Variants in ZNF609 observed in about 807,000 individuals in gnomAD.
ZNF609 encodes zinc finger protein 609.
Under a neutral mutation model 109.5 loss-of-function variants are expected in ZNF609, and 11 were observed. The observed-to-expected ratio is 0.10, with a 90% CI of 0.06 to 0.17. The LOEUF (loss-of-function observed/expected upper bound fraction) is 0.17. Ranked by LOEUF, ZNF609 falls within the 10% of genes least tolerant of loss-of-function variation. The probability of loss-of-function intolerance (pLI) is 1.00; values close to 1 mark genes in which losing one functional copy is unlikely to be tolerated. For missense variants in ZNF609, 1,559 were observed against 1,772.4 expected (o/e 0.88, Z 2.16); for synonymous variants, 646 against 662.0 (o/e 0.98, Z 0.37).
chr15:64,530,036 T>G (rs977702300), intron 2 of ZNF609, among the ~76,000 whole-genome samples: 2 of 150,906 alleles, frequency 1.3e-5, no homozygotes, highest in African/African-American at 4.9e-5. Context: ...TGGCCTTGGT[T>G]TTTTTTTAAA....
At chr15:64,602,598 C>T (rs1232156707) in intron 2 of ZNF609, among the ~76,000 whole-genome samples, 1 of 151,946 alleles carries the variant, frequency 6.6e-6, no homozygotes, top group Non-Finnish European at 1.5e-5. Context: ...TGTTGATGTT[C>T]CTTGGGTTCT....
At chr15:64,680,134 G>A in intron 6 of ZNF609, 51 bp from the exon 7 acceptor site, 1 of 1,596,660 alleles carries the variant, frequency 6.3e-7, no homozygotes, top group Non-Finnish European at 8.6e-7. Flanking sequence ...CTAAAGCAGA[G>A]TTTCCTCTAC....
At chr15:64,612,306 C>G (rs2140961853) in intron 2 of ZNF609, among the ~76,000 whole-genome samples, 1 of 151,880 alleles carries the variant, frequency 6.6e-6, no homozygotes, top group Non-Finnish European at 1.5e-5. Context: ...CGCCACCACG[C>G]CCGGTTAATT....
chr15:64,590,091 T>A lies in ZNF609; in HGVS notation c.748-32736T>A, dbSNP rs112475664. Among the ~76,000 whole-genome samples, 1,490 of 152,308 alleles carry A rather than the reference T, an allele frequency of 9.8e-3. 24 individuals are homozygous for A. Among genetic ancestry groups the A allele is most frequent in the African/African-American group, 0.034 (1,406 of 41,558 alleles). On this transcript the variant is annotated intron_variant, in intron 2 of 9. Coordinates refer to ENST00000326648, the MANE Select transcript of ZNF609 (RefSeq NM_015042.2). ...ACACACTGCACATGGTCCTCATTTA[T>A]GAACTTAAATCTTTCCTGGCTGCCA...
At chr15:64,513,000 G>C (rs531428531) in intron 2 of ZNF609, among the ~76,000 whole-genome samples, 1 of 151,842 alleles carries the variant, frequency 6.6e-6, no homozygotes, top group Non-Finnish European at 1.5e-5. Context: ...TAATAATTAC[G>C]TAACCTTAAA....
intron 1 of ZNF609, among the ~76,000 whole-genome samples, chr15:64,494,463 ACT>A (rs1451437040): frequency 6.6e-6 from 1 of 151,744 alleles, no homozygotes; most frequent in Admixed American, 6.6e-5. Context: ...CTACTCACTG[ACT>A]CTCTTTCTAC....
At chr15:64,551,081 G>A (rs996254567) in intron 2 of ZNF609, among the ~76,000 whole-genome samples, 1 of 151,922 alleles carries the variant, frequency 6.6e-6, no homozygotes, top group African/African-American at 2.4e-5. Flanking sequence ...CATTTAGGAT[G>A]GTCCCTTTTT....
At chr15:64,588,344 C>T (rs867339419) in intron 2 of ZNF609, among the ~76,000 whole-genome samples, 2 of 138,918 alleles carry the variant, frequency 1.4e-5, no homozygotes, top group Non-Finnish European at 3.1e-5. Context: ...AGGAGAATGG[C>T]ATGAACCCAG....
At chr15:64,491,878 T>C (rs1156456489) in intron 1 of ZNF609, among the ~76,000 whole-genome samples, 3 of 151,122 alleles carry the variant, frequency 2.0e-5, no homozygotes, top group Non-Finnish European at 4.4e-5. Flanking sequence ...AGTCTTGAGA[T>C]TGGTACCTTG....
In ZNF609 at chr15:64,674,156, T is replaced by C; in HGVS notation, c.1302T>C (p.Pro434=). 6.2e-7 allele frequency: 1 copy of C among 1,614,224 alleles called. No individual in the cohort carries two copies. ...SSTSEDVKAS[P]SSANKRKNKP... is the part of the protein sequence containing the mutation. ...CTTCTGAGGATGTCAAGGCCAGCCCTTCCTCAGCTAATAAGCGGAAAAACA... is the reference window on the plus strand; with the variant it reads ...CTTCTGAGGATGTCAAGGCCAGCCCCTCCTCAGCTAATAAGCGGAAAAACA... Residue 434 remains proline, a synonymous_variant, in exon 5 of 10, where the codon CCT becomes CCC. Coordinates refer to ENST00000326648, the MANE Select transcript of ZNF609 (RefSeq NM_015042.2).
intron 3 of ZNF609, among the ~76,000 whole-genome samples, chr15:64,664,947 T>C (rs2141007207): frequency 6.6e-6 from 1 of 152,366 alleles, no homozygotes; most frequent in South Asian, 2.1e-4. Flanking sequence ...GCTGTGCTCA[T>C]CTGCCCTTAT....
intron 5 of ZNF609, among the ~76,000 whole-genome samples, chr15:64,677,671 C>G (rs1337670373): frequency 1.3e-5 from 2 of 152,184 alleles, no homozygotes; most frequent in Non-Finnish European, 2.9e-5. Flanking sequence ...CTTAGAATGT[C>G]TTCCCTTCCC....
intron 2 of ZNF609, among the ~76,000 whole-genome samples, chr15:64,576,982 G>GTGTATATACACATAAATATATA (rs1894973594): frequency 1.6e-5 from 2 of 122,462 alleles, no homozygotes; most frequent in African/African-American, 3.2e-5. Flanking sequence ...ATATATATAT[G>GTGTATATACACATAAATATATA]TATGTATACA....
intron 1 of ZNF609, among the ~76,000 whole-genome samples, chr15:64,488,586 T>C (rs553186510): frequency 7.4e-4 from 113 of 152,296 alleles, no homozygotes; most frequent in Non-Finnish European, 1.1e-3. Context: ...CCCACCCTTT[T>C]TTGTGGCTAG....
chr15:64,554,233 A>G (rs1469534221), intron 2 of ZNF609, among the ~76,000 whole-genome samples: 1 of 152,094 alleles, frequency 6.6e-6, no homozygotes. Context: ...TCTTTTTCGG[A>G]TTGAGAAAGT....
In ZNF609 at chr15:64,674,495, C is replaced by T. The variant is rs759115243; in HGVS notation, c.1641C>T (p.Ser547=). The part of the protein sequence containing the change: ...EEPILHADLG[S]CNGASVSQKG... Reference sequence around the variant, plus strand: ...CTATTCTCCATGCAGATCTTGGGAGCTGCAACGGTGCATCTGTCTCACAAA... The same window carrying T: ...CTATTCTCCATGCAGATCTTGGGAGTTGCAACGGTGCATCTGTCTCACAAA... The change falls in exon 5 of 10, where the codon AGC becomes AGT. Residue 547 remains serine, a synonymous_variant. Coordinates refer to ENST00000326648, the MANE Select transcript of ZNF609 (RefSeq NM_015042.2). 3 of 1,614,000 alleles carry T rather than the reference C, an allele frequency of 1.9e-6. No homozygotes were observed. The highest frequency in any genetic ancestry group is 1.7e-6 in the Non-Finnish European group (2 of 1,180,014).
intron 2 of ZNF609, among the ~76,000 whole-genome samples, chr15:64,615,946 GT>G (rs1220394796): frequency 6.6e-6 from 1 of 152,132 alleles, no homozygotes; most frequent in Admixed American, 6.5e-5. Flanking sequence ...TTGCGTTTTT[GT>G]CTGTGAAGGT....
chr15:64,473,191 CTTTTTTTTTTTT>C (rs951319279), intron 1 of ZNF609, among the ~76,000 whole-genome samples: 10 of 76,080 alleles, frequency 1.3e-4, no homozygotes, highest in Non-Finnish European at 2.1e-4. Context: ...ATATTTGGTT[CTTTTTTTTTTTT>C]TTTTTTTTTT....
chr15:64,609,954 G>C (rs1895690759), intron 2 of ZNF609, among the ~76,000 whole-genome samples: 1 of 152,034 alleles, frequency 6.6e-6, no homozygotes, highest in East Asian at 1.9e-4. Flanking sequence ...CTTGAACCCA[G>C]GAGTCAGAGA....
Sources: gnomAD v4.1 joint callset for allele counts (sites outside exome capture counted in the v4.1 genomes callset) on GRCh38, gnomAD v4.1.1 for gene constraint, MANE v1.5 for transcripts, NCBI Gene and HGNC (gene_info 2026-07-23, HGNC 2026-07-21) for gene names.